Variants in MAPT observed in about 807,000 individuals in gnomAD.
MAPT encodes the protein microtubule associated protein tau, also known as microtubule-associated protein tau.
In MAPT, 34 loss-of-function variants were observed where a neutral mutation model predicts 67.9. The observed-to-expected ratio is 0.50, with a 90% CI of 0.38 to 0.67. MAPT has a LOEUF of 0.67. MAPT is among the 30% of genes least tolerant of loss of function. The probability of loss-of-function intolerance (pLI) is 0.00; values close to 1 mark genes in which losing one functional copy is unlikely to be tolerated. For synonymous variants in MAPT, 456 were observed against 464.5 expected (o/e 0.98, Z 0.23); for missense variants, 881 against 1,115.2 (o/e 0.79, Z 2.99).
At chr17:45,937,896 C>G (rs2067493701) in intron 1 of MAPT, among the ~76,000 whole-genome samples, 1 of 152,194 alleles carries the variant, frequency 6.6e-6, no homozygotes, top group Admixed American at 6.5e-5. Context: ...CTTGGACATT[C>G]TCAGAGCCAT....
chr17:45,945,828 A>C (rs2068425796), intron 1 of MAPT, among the ~76,000 whole-genome samples: 2 of 152,136 alleles, frequency 1.3e-5, no homozygotes, highest in African/African-American at 2.4e-5. Flanking sequence ...AAAAGAAAAA[A>C]AGACAAAGCT....
At chr17:45,901,969 C>CA (rs2063642491) in intron 1 of MAPT, among the ~76,000 whole-genome samples, 1 of 149,690 alleles carries the variant, frequency 6.7e-6, no homozygotes, top group Non-Finnish European at 1.5e-5. Context: ...AAATATTACT[C>CA]ACCTTTATGA....
intron 1 of MAPT, among the ~76,000 whole-genome samples, chr17:45,924,655 G>A (rs1392156384): frequency 3.9e-5 from 6 of 152,132 alleles, no homozygotes; most frequent in Non-Finnish European, 5.9e-5. Flanking sequence ...GTCCATAGCC[G>A]CCCATCTCAG....
chr17:46,020,992 G>A (rs1333028461), intron 12 of MAPT, among the ~76,000 whole-genome samples: 2 of 152,226 alleles, frequency 1.3e-5, no homozygotes, highest in Admixed American at 6.5e-5. Flanking sequence ...CACTCAAGTA[G>A]CAGCTGAGAG....
intron 1 of MAPT, among the ~76,000 whole-genome samples, chr17:45,904,121 A>AT (rs1329788092): frequency 3.2e-5 from 1 of 31,124 alleles, no homozygotes; most frequent in Non-Finnish European, 5.6e-5. Flanking sequence ...TATATTATAT[A>AT]TTATATATTA....
chr17:46,012,315 C>G (rs948421854), intron 10 of MAPT, among the ~76,000 whole-genome samples: 1 of 152,090 alleles, frequency 6.6e-6, no homozygotes, highest in Non-Finnish European at 1.5e-5. Flanking sequence ...CCGTGTGTCC[C>G]GCGCTGTGTT....
chr17:45,990,309 T>C (rs2073958117), intron 7 of MAPT, among the ~76,000 whole-genome samples: 1 of 152,066 alleles, frequency 6.6e-6, no homozygotes, highest in Admixed American at 6.6e-5. Flanking sequence ...GGTGGGACCT[T>C]GGTTTCGAAA....
At chr17:45,941,003 A>G (rs1307226212) in intron 1 of MAPT, among the ~76,000 whole-genome samples, 1 of 152,164 alleles carries the variant, frequency 6.6e-6, no homozygotes, top group Non-Finnish European at 1.5e-5. Context: ...TGGCAAGCAG[A>G]GAGGAGACTT....
intron 11 of MAPT, among the ~76,000 whole-genome samples, chr17:46,017,214 C>G (rs950283395): frequency 1.3e-5 from 2 of 152,232 alleles, no homozygotes; most frequent in African/African-American, 4.8e-5. Flanking sequence ...TGTGGGCTGT[C>G]TCTTCCTCAT....
At chr17:45,942,023 T>G (rs1347926582) in intron 1 of MAPT, among the ~76,000 whole-genome samples, 1 of 152,122 alleles carries the variant, frequency 6.6e-6, no homozygotes, top group East Asian at 1.9e-4. Context: ...CATTTTGTTT[T>G]GTCAAAATGA....
At chr17:45,941,938 G>C (rs2068037620) in intron 1 of MAPT, among the ~76,000 whole-genome samples, 1 of 151,994 alleles carries the variant, frequency 6.6e-6, no homozygotes, top group South Asian at 2.1e-4. Flanking sequence ...ATTCTGATAT[G>C]TCCATTTAAA....
chr17:45,907,352 C>A (rs549628762), intron 1 of MAPT, among the ~76,000 whole-genome samples: 2 of 152,198 alleles, frequency 1.3e-5, no homozygotes, highest in Non-Finnish European at 2.9e-5. Context: ...CCAGAGGCTA[C>A]GCGTTTCCTC....
At chr17:45,976,112 T>C (rs1375069505) in intron 3 of MAPT, 1 of 152,218 alleles carries the variant, frequency 6.6e-6, no homozygotes, top group African/African-American at 2.4e-5. Flanking sequence ...GATCTGAGGC[T>C]CCCATGCACT....
At position 45,954,963 on chromosome 17, in the gene MAPT, C is replaced by T. The variant is rs141685729; in HGVS notation, c.-17-7358C>T. 5.9e-5 allele frequency among the ~76,000 whole-genome samples: 9 copies of T among 152,036 alleles called. No homozygotes were observed. The East Asian group carries it at 1.2e-3, about 20-fold the overall frequency. ...CGTGCCACTTGCAGTCCAGCCTGGGCGAAAGAGCGAGACTCCGTCTCAAAA... is the reference window on the plus strand; with the variant it reads ...CGTGCCACTTGCAGTCCAGCCTGGGTGAAAGAGCGAGACTCCGTCTCAAAA... On this transcript the variant is annotated intron_variant, in intron 1 of 12. Coordinates refer to ENST00000262410, the MANE Select transcript of MAPT (RefSeq NM_001377265.1).
At chr17:45,920,320 A>G (rs535202940) in intron 1 of MAPT, among the ~76,000 whole-genome samples, 71 of 152,306 alleles carry the variant, frequency 4.7e-4, no homozygotes, top group African/African-American at 1.7e-3. Context: ...GACAGCTAAC[A>G]TGTTCCTGAG....
intron 8 of MAPT, among the ~76,000 whole-genome samples, chr17:45,992,883 T>A (rs570312365): frequency 3.0e-4 from 43 of 141,224 alleles, no homozygotes; most frequent in Middle Eastern, 3.6e-3. Context: ...AAAAGTGAGA[T>A]TCCTTCTCAA....
At chr17:45,943,611 C>T (rs1057375256) in intron 1 of MAPT, among the ~76,000 whole-genome samples, 1 of 152,150 alleles carries the variant, frequency 6.6e-6, no homozygotes, top group Non-Finnish European at 1.5e-5. Flanking sequence ...ATCTAATGAA[C>T]TATCATGGCA....
intron 1 of MAPT, among the ~76,000 whole-genome samples, chr17:45,904,262 TTA>T (rs1442044503): frequency 8.0e-5 from 4 of 49,744 alleles, no homozygotes; most frequent in South Asian, 5.0e-4. Flanking sequence ...ATATTATATA[TTA>T]TATATATTTT....
chr17:45,918,833 G>A (rs955941706), intron 1 of MAPT, among the ~76,000 whole-genome samples: 7 of 152,172 alleles, frequency 4.6e-5, no homozygotes, highest in Admixed American at 1.3e-4. Context: ...CAAGGCCGGC[G>A]GATCACTTGA....
Sources: allele counts gnomAD v4.1 joint callset (sites outside exome capture counted in the v4.1 genomes callset), GRCh38; gene constraint gnomAD v4.1.1; transcripts MANE v1.5; gene names NCBI Gene and HGNC (gene_info 2026-07-23, HGNC 2026-07-21).